The following ABCD3 variants were observed in gnomAD, a reference collection of about 807,000 sequenced individuals.
The protein encoded by ABCD3 is ATP-binding cassette sub-family D member 3.
A neutral mutation model predicts 105.5 loss-of-function variants in ABCD3; 41 were observed. The observed-to-expected ratio is 0.39, with a 90% CI of 0.30 to 0.50. ABCD3 has a LOEUF of 0.50. ABCD3 is among the 20% of genes least tolerant of loss of function. ABCD3 has a pLI of 0.84. For missense variants in ABCD3, 622 were observed against 806.3 expected (o/e 0.77, Z 2.77); for synonymous variants, 258 against 269.0 (o/e 0.96, Z 0.40).
In ABCD3 at chr1:94,508,406, G is replaced by A. The variant is rs571864496; in HGVS notation, c.1845+1764G>A. 1.6e-3 allele frequency among the ~76,000 whole-genome samples: 237 copies of A among 151,974 alleles called. 1 individual carries two copies. Among genetic ancestry groups the A allele is most frequent in the African/African-American group, 4.8e-3 (201 of 41,444 alleles). ...TTTGGTTACTGTAGCCTTGTAGTAT[G>A]GTTTGAAGTCAGGTAGTGTGATGCC... On this transcript the variant is annotated intron_variant, in intron 21 of 22. Coordinates refer to ENST00000370214, the MANE Select transcript of ABCD3 (RefSeq NM_002858.4).
Position 94,518,514 on chromosome 1 carries a change from ACT to A in ABCD3, c.*1387_*1388del, listed in dbSNP as rs1651032124. 6.7e-6 allele frequency: 1 copy of A among 148,634 alleles called. No individual in the cohort carries two copies. The highest frequency in any genetic ancestry group is 2.1e-4 in the South Asian group (1 of 4,672). The allele number at this position is 148,634 out of a possible 1,614,324, so 9.2% of individuals were successfully genotyped here. A position where few individuals can be genotyped will look rare whatever the true frequency, so the allele number is the denominator to read the frequency against. ...TTCAGATTAAAAAAAAAAAAAAAAA[ACT>A]CAGATATCCTATACAACCTTTGCTT... On this transcript the variant is annotated 3_prime_UTR_variant, in exon 23 of 23. Coordinates refer to ENST00000370214, the MANE Select transcript of ABCD3 (RefSeq NM_002858.4).
At chr1:94,454,051 C>T (rs994626256) in intron 1 of ABCD3, among the ~76,000 whole-genome samples, 2 of 150,986 alleles carry the variant, frequency 1.3e-5, no homozygotes, top group Non-Finnish European at 2.9e-5. Flanking sequence ...TATGTATGGG[C>T]ATGCATATGT....
intron 20 of ABCD3, among the ~76,000 whole-genome samples, chr1:94,501,204 T>C (rs1262724193): frequency 2.7e-5 from 4 of 145,486 alleles, no homozygotes; most frequent in Non-Finnish European, 5.9e-5. Flanking sequence ...TAGGCTGCAG[T>C]GAGCCAAGAT....
At chr1:94,412,555 C>T in the ABCD3 span, among the ~76,000 whole-genome samples, 3 of 152,178 alleles carry the variant, frequency 2.0e-5, no homozygotes, top group South Asian at 6.2e-4. Context: ...GAAAAGTTCC[C>T]AATTCTTTGC....
intron 4 of ABCD3, among the ~76,000 whole-genome samples, chr1:94,471,180 T>C (rs1314515104): frequency 2.0e-5 from 3 of 152,196 alleles, no homozygotes; most frequent in Non-Finnish European, 4.4e-5. Flanking sequence ...TTTAAAAAAT[T>C]GTTTTTCATT....
At chr1:94,498,552 T>A (rs772810925) in intron 16 of ABCD3, 50 bp from the exon 17 acceptor site, 1 of 1,570,166 alleles carries the variant, frequency 6.4e-7, no homozygotes, top group South Asian at 1.1e-5. Context: ...ATTAAGTATA[T>A]GTTAATTTGA....
chr1:94,493,017 A>G (rs1649607292), intron 16 of ABCD3, among the ~76,000 whole-genome samples: 1 of 152,148 alleles, frequency 6.6e-6, no homozygotes, highest in Non-Finnish European at 1.5e-5. Flanking sequence ...AGGCATTACC[A>G]TTCAGGACAT....
chr1:94,455,890 TA>T (rs1258070914), intron 1 of ABCD3: 2 of 1,193,808 alleles, frequency 1.7e-6, no homozygotes, highest in Non-Finnish European at 2.1e-6. Context: ...TATCAATTTA[TA>T]ACATTTATTA....
chr1:94,460,463 C>T (rs146879942), intron 2 of ABCD3, among the ~76,000 whole-genome samples: 1 of 152,200 alleles, frequency 6.6e-6, no homozygotes, highest in Admixed American at 6.5e-5. Context: ...ATTGAGACCA[C>T]AATAATTTTA....
chr1:94,512,377 T>C (rs1650718667), intron 21 of ABCD3, among the ~76,000 whole-genome samples: 1 of 151,944 alleles, frequency 6.6e-6, no homozygotes, highest in South Asian at 2.1e-4. Context: ...TTTAAATCTC[T>C]TTATAATTCT....
intron 21 of ABCD3, among the ~76,000 whole-genome samples, chr1:94,512,223 A>C (rs1650708527): frequency 6.6e-6 from 1 of 151,978 alleles, no homozygotes; most frequent in South Asian, 2.1e-4. Flanking sequence ...CAGGACCCTC[A>C]CTACTGATTT....
chr1:94,390,252 A>C, the ABCD3 span, among the ~76,000 whole-genome samples: 1 of 152,140 alleles, frequency 6.6e-6, no homozygotes, highest in Non-Finnish European at 1.5e-5. Flanking sequence ...ATTAGTTGAG[A>C]ATATAATGGA....
At chr1:94,498,897 T>G in intron 18 of ABCD3, 48 bp from the exon 19 acceptor site, 1 of 1,611,216 alleles carries the variant, frequency 6.2e-7, no homozygotes, top group South Asian at 1.1e-5. Context: ...TTTTGTTTAT[T>G]TATTTTTTCA....
At chr1:94,440,255 G>C (rs1175670181) in intron 1 of ABCD3, among the ~76,000 whole-genome samples, 2 of 152,136 alleles carry the variant, frequency 1.3e-5, no homozygotes, top group Non-Finnish European at 2.9e-5. Context: ...AGAAGAGGAA[G>C]TTTGATTTAG....
intron 1 of ABCD3, among the ~76,000 whole-genome samples, chr1:94,447,397 A>AC (rs1367883559): frequency 1.3e-5 from 2 of 152,236 alleles, no homozygotes; most frequent in Non-Finnish European, 2.9e-5. Context: ...ATTAAAAAAA[A>AC]TTGGCCTTTA....
Position 94,489,778 on chromosome 1 carries a change from G to A in ABCD3, c.1211G>A (p.Gly404Asp). Residue 404 changes from glycine to aspartate, a missense_variant, in exon 14 of 23, where the codon GGC (glycine) becomes GAC (aspartate). By Grantham distance (94) the Gly-to-Asp change is moderately conservative (BLOSUM62 -1). Around this residue, in one of 4 missense-constraint regions of ABCD3, gnomAD observed 285 missense variants for 352.5 expected, o/e 0.81. Coordinates refer to ENST00000370214, the MANE Select transcript of ABCD3 (RefSeq NM_002858.4). ...CAAGTACTGAAGGATTTAAATCATG[G>A]CAAATATGAGCGCACAATGGTCTCA... Reference protein sequence around the residue: ...LMQVLKDLNHGKYERTMVSQQ... With the variant: ...LMQVLKDLNHDKYERTMVSQQ... The A allele has an allele frequency of 1.2e-6, 2 of 1,613,242 alleles. No individual in the cohort carries two copies. The highest frequency in any genetic ancestry group is 1.7e-6 in the Non-Finnish European group (2 of 1,179,468).
At chr1:94,469,523 C>T (rs1289930722) in intron 4 of ABCD3, among the ~76,000 whole-genome samples, 1 of 149,648 alleles carries the variant, frequency 6.7e-6, no homozygotes, top group African/African-American at 2.5e-5. Context: ...CCTACTTCCC[C>T]CTAATTCAGT....
At chr1:94,425,415 A>G (rs1270882539) in intron 1 of ABCD3, among the ~76,000 whole-genome samples, 2 of 152,170 alleles carry the variant, frequency 1.3e-5, no homozygotes, top group Non-Finnish European at 2.9e-5. Context: ...CTGTGTGACA[A>G]TATCTTAGTT....
Position 94,442,636 on chromosome 1 carries a change from T to A in ABCD3, c.111-15971T>A, listed in dbSNP as rs1026792597. ...CCTCACCCCGCCACCCTCCCACCTT[T>A]TGTAATCTGCAGTGTCTGTTATTCC... is the stretch of plus-strand genomic sequence containing the variant. On this transcript the variant is annotated intron_variant, in intron 1 of 22. Coordinates refer to ENST00000370214, the MANE Select transcript of ABCD3 (RefSeq NM_002858.4). Among the ~76,000 whole-genome samples, 54 of 152,170 alleles carry A rather than the reference T, an allele frequency of 3.5e-4. 1 individual carries two copies. Among genetic ancestry groups the A allele is most frequent in the Non-Finnish European group, 1.3e-4 (9 of 68,034 alleles).
Sources: gnomAD v4.1 joint callset for allele counts (sites outside exome capture counted in the v4.1 genomes callset) on GRCh38, gnomAD v4.1.1 for gene constraint, gnomAD v4.1.1 regional missense constraint, MANE v1.5 for transcripts, NCBI Gene and HGNC (gene_info 2026-07-23, HGNC 2026-07-21) for gene names.